Variants in DCC observed in about 807,000 individuals in gnomAD.
The protein encoded by DCC is netrin receptor DCC.
A neutral mutation model predicts 172.5 loss-of-function variants in DCC; 58 were observed. The observed-to-expected ratio is 0.34, with a 90% CI of 0.27 to 0.42. The LOEUF (loss-of-function observed/expected upper bound fraction) is 0.42. Ranked by LOEUF, DCC falls within the 10% of genes least tolerant of loss-of-function variation. The probability of loss-of-function intolerance (pLI) is 1.00; values close to 1 mark genes in which losing one functional copy is unlikely to be tolerated. For synonymous variants in DCC, 709 were observed against 644.5 expected, an observed-to-expected ratio of 1.10 and a Z score of -1.52; for missense variants, 1,740 against 1,791.0, an observed-to-expected ratio of 0.97 and a Z score of 0.51.
intron 1 of DCC, among the ~76,000 whole-genome samples, chr18:52,346,516 C>A (rs982054690): frequency 6.6e-6 from 1 of 152,152 alleles, no homozygotes; most frequent in African/African-American, 2.4e-5. Flanking sequence ...AAAGTGTTTT[C>A]TTTGGTAGTT....
intron 5 of DCC, among the ~76,000 whole-genome samples, chr18:53,062,694 A>T (rs1376049670): frequency 6.6e-6 from 1 of 152,182 alleles, no homozygotes; most frequent in Admixed American, 6.6e-5. Flanking sequence ...GAATTAAATT[A>T]GTATATCACA....
chr18:52,516,034 A>G (rs2031630064), intron 1 of DCC, among the ~76,000 whole-genome samples: 1 of 152,102 alleles, frequency 6.6e-6, no homozygotes, highest in Non-Finnish European at 1.5e-5. Context: ...GGGAAATATG[A>G]ATGGAAACCA....
chr18:52,609,124 G>T (rs2034197073), intron 1 of DCC, among the ~76,000 whole-genome samples: 1 of 152,026 alleles, frequency 6.6e-6, no homozygotes, highest in Non-Finnish European at 1.5e-5. Context: ...TCTATTTTTT[G>T]ACAGGAAGGA....
At chr18:53,096,205 C>T (rs1224620323) in intron 7 of DCC, among the ~76,000 whole-genome samples, 7 of 151,872 alleles carry the variant, frequency 4.6e-5, no homozygotes, top group African/African-American at 1.7e-4. Flanking sequence ...CAGGTATGGT[C>T]CTGCAAGTCT....
intron 1 of DCC, among the ~76,000 whole-genome samples, chr18:52,514,637 C>T (rs2031562227): frequency 6.6e-6 from 1 of 152,162 alleles, no homozygotes; most frequent in Non-Finnish European, 1.5e-5. Context: ...AAAGTCTGTG[C>T]TGCTTATTAT....
chr18:53,331,760 G>A (rs952738260), intron 14 of DCC, among the ~76,000 whole-genome samples: 4 of 151,882 alleles, frequency 2.6e-5, no homozygotes, highest in Non-Finnish European at 4.4e-5. Flanking sequence ...TCTAATTTTT[G>A]GGCCAAAAAA....
At chr18:52,759,343 A>G (rs7232267) in intron 2 of DCC, among the ~76,000 whole-genome samples, 15,832 of 152,240 alleles carry the variant, frequency 0.1, 2,739 homozygotes, top group African/African-American at 0.36. Context: ...CTTCTACATT[A>G]TAAAATTTAC....
intron 1 of DCC, among the ~76,000 whole-genome samples, chr18:52,594,459 C>T (rs1379933162): frequency 1.3e-5 from 2 of 152,124 alleles, no homozygotes; most frequent in African/African-American, 4.8e-5. Context: ...CCTTATACTG[C>T]CTATTGGAGA....
intron 7 of DCC, among the ~76,000 whole-genome samples, chr18:53,148,846 G>GCTCAGAA (rs2043955515): frequency 7.6e-6 from 1 of 131,078 alleles, no homozygotes; most frequent in Non-Finnish European, 1.7e-5. Flanking sequence ...CTCAAAACTA[G>GCTCAGAA]CTCAGAACTT....
rs777334214 is a variant in DCC, at chr18:52,991,761, AG to A, written c.985+66392del. On this transcript the variant is annotated intron_variant, in intron 5 of 28. Transcript: ENST00000442544. ...CTGCTTCTAATCTACAATGCTATTC[AG>A]TCTAACATCACCATTTGTGAGAATC... is the stretch of plus-strand genomic sequence containing the variant. Among the ~76,000 whole-genome samples the A allele has an allele frequency of 1.6e-4, 25 of 152,322 alleles. No individual in the cohort carries two copies. The East Asian group carries it at 2.5e-3, about 15-fold the overall frequency.
Position 53,467,970 on chromosome 18 carries a change from C to G in DCC, c.3696C>G (p.Ala1232=), listed in dbSNP as rs2045642682. 1 of 1,610,708 alleles carries G rather than the reference C, an allele frequency of 6.2e-7. No individual in the cohort carries two copies. The highest frequency in any genetic ancestry group is 8.5e-7 in the Non-Finnish European group (1 of 1,177,046). Residue 1232 remains alanine, a synonymous_variant, in exon 25 of 29, where the codon GCC becomes GCG. Transcript: ENST00000442544. ...RSLAARRAPR[A]KLMIPMDAQS... is the part of the protein sequence containing the mutation. Reference sequence around the variant, plus strand: ...TGGCTGCACGCCGAGCCCCCCGGGCCAAGCTCATGATTCCCATGGATGCCC... The same window carrying G: ...TGGCTGCACGCCGAGCCCCCCGGGCGAAGCTCATGATTCCCATGGATGCCC...
At chr18:52,620,782 A>G (rs2034464193) in intron 1 of DCC, among the ~76,000 whole-genome samples, 1 of 152,220 alleles carries the variant, frequency 6.6e-6, no homozygotes, top group Admixed American at 6.5e-5. Context: ...TATGTACAAA[A>G]TGAATAAGCC....
chr18:52,913,518 G>C (rs949337690), intron 3 of DCC, among the ~76,000 whole-genome samples: 1 of 151,116 alleles, frequency 6.6e-6, no homozygotes, highest in Non-Finnish European at 1.5e-5. Context: ...TATTTTTATT[G>C]TTGACCTTGA....
At chr18:52,808,689 C>T (rs191039108) in intron 2 of DCC, among the ~76,000 whole-genome samples, 329 of 152,252 alleles carry the variant, frequency 2.2e-3, no homozygotes, top group Middle Eastern at 6.8e-3. Context: ...AGAAGTTTCC[C>T]TGTTGTACGG....
intron 1 of DCC, among the ~76,000 whole-genome samples, chr18:52,364,955 C>T (rs1350482324): frequency 6.6e-6 from 1 of 151,808 alleles, no homozygotes; most frequent in Non-Finnish European, 1.5e-5. Flanking sequence ...CCTTTTTTGT[C>T]ATAGCAGAAA....
chr18:52,804,547 G>A (rs1199239825), intron 2 of DCC, among the ~76,000 whole-genome samples: 1 of 152,114 alleles, frequency 6.6e-6, no homozygotes, highest in East Asian at 1.9e-4. Context: ...AGGTCATAAA[G>A]CTACAGGTTT....
chr18:52,990,223 A>G (rs1311007508), intron 5 of DCC, among the ~76,000 whole-genome samples: 1 of 152,114 alleles, frequency 6.6e-6, no homozygotes, highest in African/African-American at 2.4e-5. Context: ...CTTGTATCCT[A>G]GATAAGATAG....
intron 1 of DCC, among the ~76,000 whole-genome samples, chr18:52,354,107 C>T (rs1984252986): frequency 6.6e-6 from 1 of 152,186 alleles, no homozygotes; most frequent in South Asian, 2.1e-4. Context: ...CATCATTGTT[C>T]TGGACTTAGT....
chr18:53,000,585 CTTTTTT>C (rs71175543), intron 5 of DCC, among the ~76,000 whole-genome samples: 3 of 99,014 alleles, frequency 3.0e-5, no homozygotes, highest in Non-Finnish European at 4.0e-5. Context: ...AGCTTACATT[CTTTTTT>C]TTTTTTTTTT....
Sources: gnomAD v4.1 joint callset for allele counts (sites outside exome capture counted in the v4.1 genomes callset) on GRCh38, gnomAD v4.1.1 for gene constraint, MANE v1.5 for transcripts, NCBI Gene and HGNC (gene_info 2026-07-23, HGNC 2026-07-21) for gene names.